The following ZFAT variants were observed in gnomAD, a reference collection of about 807,000 sequenced individuals.
The protein encoded by ZFAT is zinc finger and AT-hook domain containing.
In ZFAT, 64 loss-of-function variants were observed where a neutral mutation model predicts 117.7. That is an observed-to-expected ratio of 0.54 (90% CI 0.44 to 0.67). The LOEUF is 0.67. Among genes scored for constraint, ZFAT ranks in the 30% least tolerant of loss-of-function variants. ZFAT has a pLI of 0.00. For synonymous variants in ZFAT, 679 were observed against 615.0 expected, an observed-to-expected ratio of 1.10 and a Z score of -1.54; for missense variants, 1,433 against 1,584.5, an observed-to-expected ratio of 0.90 and a Z score of 1.62.
At chr8:134,657,152 C>A (rs999875658) in intron 2 of ZFAT, among the ~76,000 whole-genome samples, 16 of 152,178 alleles carry the variant, frequency 1.1e-4, no homozygotes, top group African/African-American at 3.9e-4. Flanking sequence ...TAGGCATATT[C>A]TTTAACTTCA....
chr8:134,559,650 G>A (rs534479698), intron 11 of ZFAT, among the ~76,000 whole-genome samples: 1 of 152,364 alleles, frequency 6.6e-6, no homozygotes, highest in African/African-American at 2.4e-5. Context: ...CACCAGCAAT[G>A]TGTGAGAATG....
chr8:134,796,808 T>C, the ZFAT span: 4 of 152,190 alleles, frequency 2.6e-5, no homozygotes, highest in Non-Finnish European at 5.9e-5. Flanking sequence ...AATATATATA[T>C]GTATGCAAGC....
chr8:134,551,288 G>A (rs376030998), intron 11 of ZFAT, among the ~76,000 whole-genome samples: 74 of 152,206 alleles, frequency 4.9e-4, no homozygotes, highest in African/African-American at 1.7e-3. Flanking sequence ...AATAGACTGT[G>A]GGCCTCAGTG....
chr8:134,543,285 G>A (rs971283365), intron 11 of ZFAT, among the ~76,000 whole-genome samples: 11 of 150,748 alleles, frequency 7.3e-5, no homozygotes, highest in African/African-American at 2.7e-4. Flanking sequence ...CCGGGCACAT[G>A]CAGTTACTGC....
At chr8:134,744,954 C>T in the ZFAT span, among the ~76,000 whole-genome samples, 160 of 151,706 alleles carry the variant, frequency 1.1e-3, no homozygotes, top group African/African-American at 3.6e-3. Context: ...TGGTCTCGAT[C>T]GCCTGACCTC....
At chr8:134,824,615 C>G in the ZFAT span, among the ~76,000 whole-genome samples, 1 of 152,182 alleles carries the variant, frequency 6.6e-6, no homozygotes, top group Non-Finnish European at 1.5e-5. Flanking sequence ...CAAATATGTT[C>G]TACTTACTTC....
chr8:134,695,262 C>G (rs1280547027), intron 1 of ZFAT, among the ~76,000 whole-genome samples: 1 of 152,054 alleles, frequency 6.6e-6, no homozygotes, highest in East Asian at 1.9e-4. Context: ...AGCCTCGGCT[C>G]TGCTCCCAGT....
chr8:134,729,162 C>A, the ZFAT span, among the ~76,000 whole-genome samples: 2 of 152,208 alleles, frequency 1.3e-5, no homozygotes, highest in Admixed American at 6.5e-5. Flanking sequence ...CCCTGAATGG[C>A]AGAGTCACCA....
At chr8:134,506,218 T>G (rs1819397288) in intron 15 of ZFAT, among the ~76,000 whole-genome samples, 1 of 152,218 alleles carries the variant, frequency 6.6e-6, no homozygotes, top group Non-Finnish European at 1.5e-5. Flanking sequence ...ACGCAAGATT[T>G]AACAACACTA....
chr8:134,623,728 C>T (rs752188681), intron 3 of ZFAT, among the ~76,000 whole-genome samples: 2 of 152,250 alleles, frequency 1.3e-5, no homozygotes, highest in Non-Finnish European at 2.9e-5. Flanking sequence ...TGAGCAAATG[C>T]TATTTCCTCT....
chr8:134,736,426 C>T, the ZFAT span, among the ~76,000 whole-genome samples: 9 of 152,170 alleles, frequency 5.9e-5, no homozygotes, highest in Non-Finnish European at 1.2e-4. Flanking sequence ...TGCCATCTGA[C>T]AGCTCCATTT....
chr8:134,552,842 G>C (rs969204703), intron 11 of ZFAT, among the ~76,000 whole-genome samples: 1 of 152,196 alleles, frequency 6.6e-6, no homozygotes, highest in East Asian at 1.9e-4. Context: ...TTCAAAAACT[G>C]TGGATTTCAG....
intron 1 of ZFAT, 24 bp downstream of exon 1, chr8:134,712,821 A>AC: frequency 2.2e-5 from 15 of 669,030 alleles, no homozygotes; most frequent in Non-Finnish European, 2.4e-5. Context: ...ACCCCGTCTC[A>AC]CCCCAACCCC....
intron 11 of ZFAT, among the ~76,000 whole-genome samples, chr8:134,544,636 C>G (rs1175660447): frequency 1.3e-5 from 2 of 151,676 alleles, no homozygotes; most frequent in African/African-American, 4.8e-5. Context: ...AATAGTTGAA[C>G]AGATACTTTA....
chr8:134,680,481 T>C (rs1412506972), intron 1 of ZFAT, among the ~76,000 whole-genome samples: 1 of 152,140 alleles, frequency 6.6e-6, no homozygotes, highest in East Asian at 1.9e-4. Context: ...TTTGAGTACC[T>C]TTTTTAAAAA....
At chr8:134,496,407 G>A (rs1052623874) in intron 15 of ZFAT, among the ~76,000 whole-genome samples, 6 of 152,184 alleles carry the variant, frequency 3.9e-5, no homozygotes, top group Non-Finnish European at 5.9e-5. Context: ...CCCATGAAAC[G>A]GGCTTCTCCA....
At chr8:134,642,290 C>A (rs1830630004) in intron 2 of ZFAT, among the ~76,000 whole-genome samples, 1 of 152,188 alleles carries the variant, frequency 6.6e-6, no homozygotes, top group African/African-American at 2.4e-5. Flanking sequence ...TAGAGACAAT[C>A]TGTGCTGTGC....
the ZFAT span, among the ~76,000 whole-genome samples, chr8:134,721,879 G>A: frequency 2.0e-5 from 3 of 152,210 alleles, no homozygotes; most frequent in African/African-American, 7.2e-5. Context: ...CACAGTTGAA[G>A]AAGTTGGTAA....
At chr8:134,813,991 T>C in the ZFAT span, among the ~76,000 whole-genome samples, 1 of 152,170 alleles carries the variant, frequency 6.6e-6, no homozygotes, top group East Asian at 1.9e-4. Flanking sequence ...CTTTCCTTTT[T>C]AATCAAACTT....
Sources: gnomAD v4.1 joint callset for allele counts (sites outside exome capture counted in the v4.1 genomes callset) on GRCh38, gnomAD v4.1.1 for gene constraint, MANE v1.5 for transcripts, NCBI Gene and HGNC (gene_info 2026-07-23, HGNC 2026-07-21) for gene names.